NDUFAB1: variants seen among roughly 807,000 people sequenced by gnomAD.
NDUFAB1 encodes acyl carrier protein, mitochondrial.
NDUFAB1 carries 5 observed loss-of-function variants against 16.1 expected under a neutral mutation model. The observed-to-expected ratio is 0.31, with a 90% confidence interval of 0.16 to 0.65. The LOEUF is 0.65. NDUFAB1 is among the 30% of genes least tolerant of loss of function. The pLI, the probability that NDUFAB1 is intolerant of heterozygous loss-of-function variation, is 0.77. For synonymous variants in NDUFAB1, 85 were observed against 78.4 expected, an observed-to-expected ratio of 1.08 and a Z score of -0.44; for missense variants, 187 against 205.3, an observed-to-expected ratio of 0.91 and a Z score of 0.54.
intron 3 of NDUFAB1, among the ~76,000 whole-genome samples, chr16:23,582,766 C>G (rs1367249324): frequency 2.7e-5 from 4 of 150,582 alleles, no homozygotes; most frequent in Non-Finnish European, 4.5e-5. Context: ...CTCCCTCTCC[C>G]TCTCCCTCTC....
intron 1 of NDUFAB1, among the ~76,000 whole-genome samples, chr16:23,590,572 C>T (rs1966270622): frequency 6.6e-6 from 1 of 151,810 alleles, no homozygotes; most frequent in Admixed American, 6.6e-5. Flanking sequence ...TAGTTTGATA[C>T]CTTGGCTGTA....
At chr16:23,585,042 T>C (rs1966221563) in intron 3 of NDUFAB1, among the ~76,000 whole-genome samples, 1 of 152,220 alleles carries the variant, frequency 6.6e-6, no homozygotes, top group Admixed American at 6.5e-5. Flanking sequence ...GCCCTTTGTC[T>C]TAGAACCCTG....
At chr16:23,584,668 C>A (rs1218645991) in intron 3 of NDUFAB1, among the ~76,000 whole-genome samples, 2 of 152,146 alleles carry the variant, frequency 1.3e-5, no homozygotes, top group Non-Finnish European at 2.9e-5. Flanking sequence ...CTTGTCCAGG[C>A]TCATACCTGA....
intron 3 of NDUFAB1, among the ~76,000 whole-genome samples, chr16:23,584,798 T>C (rs367602634): frequency 1.3e-5 from 2 of 152,190 alleles, no homozygotes; most frequent in African/African-American, 2.4e-5. Context: ...CAGAAGTCCT[T>C]TGATTTCCTA....
chr16:23,595,657 A>T (rs1207960509), intron 1 of NDUFAB1: 1 of 458,548 alleles, frequency 2.2e-6, no homozygotes, highest in African/African-American at 2.0e-5. Context: ...AAGAGTAAGG[A>T]CAGAACTGCA....
At chr16:23,584,661 G>T (rs188258881) in intron 3 of NDUFAB1, among the ~76,000 whole-genome samples, 1 of 152,206 alleles carries the variant, frequency 6.6e-6, no homozygotes, top group Non-Finnish European at 1.5e-5. Flanking sequence ...ACAGTTACTT[G>T]TCCAGGCTCA....
chr16:23,585,493 G>A (rs1251973563), intron 2 of NDUFAB1, 70 bp from the exon 3 acceptor site: 8 of 1,040,362 alleles, frequency 7.7e-6, no homozygotes, highest in South Asian at 6.3e-5. Context: ...TAACAGGGTG[G>A]TACAATGCCA....
chr16:23,588,134 G>GT (rs1372525541), intron 1 of NDUFAB1, among the ~76,000 whole-genome samples: 1 of 152,152 alleles, frequency 6.6e-6, no homozygotes, highest in Non-Finnish European at 1.5e-5. Flanking sequence ...ACAAAACAGG[G>GT]TATCTGGCAG....
chr16:23,591,130 C>G (rs1261781282), intron 1 of NDUFAB1: 1 of 151,950 alleles, frequency 6.6e-6, no homozygotes, highest in Non-Finnish European at 1.5e-5. Context: ...GAAGGTCTTG[C>G]TGCTCCTTCT....
At position 23,585,432 on chromosome 16, in the gene NDUFAB1, A is replaced by G; in HGVS notation, c.292-9T>C. On this transcript the variant is annotated splice_polypyrimidine_tract_variant and intron_variant, in intron 2 of 4. Transcript: ENST00000007516. ...TGAGAATTTACTGAAAGCTGCAAGA[A>G]AGGAGCACCAAACACAAAATTTAGT... 2 of 1,607,144 alleles carry G rather than the reference A, an allele frequency of 1.2e-6. No homozygotes were observed. Among genetic ancestry groups the G allele is most frequent in the Non-Finnish European group, 1.7e-6 (2 of 1,173,644 alleles).
At chr16:23,587,809 G>A (rs1429022015) in intron 1 of NDUFAB1, among the ~76,000 whole-genome samples, 1 of 152,258 alleles carries the variant, frequency 6.6e-6, no homozygotes, top group African/African-American at 2.4e-5. Context: ...TTTGGTTCCA[G>A]CAGTTATCTC....
intron 3 of NDUFAB1, among the ~76,000 whole-genome samples, chr16:23,584,254 T>TAAAAAAAAAAA (rs774895056): frequency 0.012 from 147 of 12,110 alleles, 8 homozygotes; most frequent in South Asian, 0.059. Context: ...GAATGATCAA[T>TAAAAAAAAAAA]TAAAAAAAAA....
chr16:23,589,389 T>C (rs1421091988), intron 1 of NDUFAB1, among the ~76,000 whole-genome samples: 1 of 152,178 alleles, frequency 6.6e-6, no homozygotes, highest in Non-Finnish European at 1.5e-5. Flanking sequence ...TTCTGAGTAC[T>C]TTCAAGAGTT....
intron 2 of NDUFAB1, 142 bp from the exon 3 acceptor site, chr16:23,585,565 G>A (rs1292707473): frequency 1.6e-6 from 1 of 622,290 alleles, no homozygotes; most frequent in East Asian, 2.9e-5. Flanking sequence ...ACAACGTGCA[G>A]GTTTGTTACA....
At chr16:23,585,159 C>T (rs1053118221) in intron 3 of NDUFAB1, among the ~76,000 whole-genome samples, 177 bp downstream of exon 3, 2 of 152,212 alleles carry the variant, frequency 1.3e-5, no homozygotes, top group African/African-American at 4.8e-5. Flanking sequence ...AATGTACCAT[C>T]CCTAAAGCTT....
chr16:23,593,127 T>C (rs1432809384), intron 1 of NDUFAB1, among the ~76,000 whole-genome samples: 1 of 152,154 alleles, frequency 6.6e-6, no homozygotes, highest in African/African-American at 2.4e-5. Flanking sequence ...AGATTCCGTC[T>C]CTAAAAAGAA....
chr16:23,592,288 G>GAT, intron 1 of NDUFAB1, among the ~76,000 whole-genome samples: 1 of 149,110 alleles, frequency 6.7e-6, no homozygotes, highest in East Asian at 2.0e-4. Context: ...AAGCTGCACT[G>GAT]ATATATGATC....
chr16:23,592,416 A>G (rs1311861955), intron 1 of NDUFAB1, among the ~76,000 whole-genome samples: 1 of 151,064 alleles, frequency 6.6e-6, no homozygotes, highest in Non-Finnish European at 1.5e-5. Context: ...ATGTTGGGAG[A>G]TGGTACACAG....
At chr16:23,596,077 C>T in intron 1 of NDUFAB1, 46 bp downstream of exon 1, 2 of 1,576,456 alleles carry the variant, frequency 1.3e-6, no homozygotes, top group Non-Finnish European at 1.7e-6. Flanking sequence ...CCACCGGGCC[C>T]AATCCCTGAC....
Sources: gnomAD v4.1 joint callset for allele counts (sites outside exome capture counted in the v4.1 genomes callset) on GRCh38, gnomAD v4.1.1 for gene constraint, MANE v1.5 for transcripts, NCBI Gene and HGNC (gene_info 2026-07-23, HGNC 2026-07-21) for gene names.